SPOCK3: variants seen among roughly 807,000 people sequenced by gnomAD.
SPOCK3 encodes the protein testican-3.
In SPOCK3, 30 loss-of-function variants were observed where a neutral mutation model predicts 56.6. The observed-to-expected ratio is 0.53, with a 90% CI of 0.40 to 0.72. The LOEUF (loss-of-function observed/expected upper bound fraction) is 0.72. Ranked by LOEUF, SPOCK3 falls within the 30% of genes least tolerant of loss-of-function variation. SPOCK3 has a pLI of 0.00. For missense variants in SPOCK3, 527 were observed against 530.0 expected (o/e 0.99, Z 0.06); for synonymous variants, 196 against 183.3 (o/e 1.07, Z -0.56).
chr4:167,151,918 T>TA (rs1206803937), intron 2 of SPOCK3, among the ~76,000 whole-genome samples: 1 of 152,206 alleles, frequency 6.6e-6, no homozygotes, highest in Admixed American at 6.5e-5. Flanking sequence ...GCTAATGACT[T>TA]ACTGCATTTT....
chr4:167,056,196 T>C (rs545163998), intron 3 of SPOCK3, among the ~76,000 whole-genome samples: 9 of 152,216 alleles, frequency 5.9e-5, no homozygotes, highest in African/African-American at 2.2e-4. Context: ...GCAAACGGGG[T>C]CTGGAGTGGA....
intron 3 of SPOCK3, among the ~76,000 whole-genome samples, chr4:167,061,045 CTT>C (rs1441684461): frequency 6.6e-6 from 1 of 151,986 alleles, no homozygotes; most frequent in Non-Finnish European, 1.5e-5. Context: ...AAAAACCTCT[CTT>C]AATATTAAAG....
Position 167,068,470 on chromosome 4 carries a change from C to T in SPOCK3, c.190-5933G>A, listed in dbSNP as rs1429888644. ...GCCAGGAAAACATTCTAGTAATTGT[C>T]ATCAATCATTATGCTACAAATGAAT... is the stretch of plus-strand genomic sequence containing the variant. On this transcript the variant is annotated intron_variant, in intron 2 of 10. Transcript: ENST00000357545. Among the ~76,000 whole-genome samples the T allele has an allele frequency of 2.0e-5, 3 of 151,618 alleles. No individual in the cohort carries two copies. In the East Asian group the frequency reaches 5.8e-4, roughly 30 times the overall value.
intron 2 of SPOCK3, among the ~76,000 whole-genome samples, chr4:167,119,543 T>C (rs1761698484): frequency 6.6e-6 from 1 of 152,128 alleles, no homozygotes; most frequent in Admixed American, 6.6e-5. Flanking sequence ...CTTAACAAAA[T>C]ACTCATCTCC....
intron 3 of SPOCK3, among the ~76,000 whole-genome samples, chr4:167,047,434 T>C (rs1436894054): frequency 6.6e-6 from 1 of 152,202 alleles, no homozygotes; most frequent in Non-Finnish European, 1.5e-5. Flanking sequence ...TAAACTTTTG[T>C]TTCTTTTTGC....
chr4:166,904,091 T>G (rs534203258), intron 5 of SPOCK3, among the ~76,000 whole-genome samples: 5 of 151,934 alleles, frequency 3.3e-5, no homozygotes, highest in African/African-American at 1.2e-4. Flanking sequence ...GCAAAATCAT[T>G]TTATTATATT....
intron 4 of SPOCK3, among the ~76,000 whole-genome samples, chr4:166,939,252 T>G (rs546310606): frequency 6.6e-6 from 1 of 152,282 alleles, no homozygotes; most frequent in South Asian, 2.1e-4. Context: ...ACTTGGAGAA[T>G]GCAGTTAAGA....
chr4:166,901,808 C>T (rs1736080454), intron 5 of SPOCK3, among the ~76,000 whole-genome samples: 2 of 152,142 alleles, frequency 1.3e-5, no homozygotes, highest in African/African-American at 4.8e-5. Flanking sequence ...GTCGGAGACA[C>T]TGCTGAGATA....
At chr4:166,926,716 A>C in intron 4 of SPOCK3, among the ~76,000 whole-genome samples, 1 of 152,126 alleles carries the variant, frequency 6.6e-6, no homozygotes, top group East Asian at 1.9e-4. Flanking sequence ...AGAAACTAGT[A>C]ATAGGTATGT....
At chr4:167,227,755 C>A (rs952994905) in intron 2 of SPOCK3, among the ~76,000 whole-genome samples, 5 of 152,058 alleles carry the variant, frequency 3.3e-5, no homozygotes, top group African/African-American at 1.2e-4. Context: ...AAAATTATGA[C>A]CCAGATCATG....
intron 6 of SPOCK3, among the ~76,000 whole-genome samples, chr4:166,882,642 C>T (rs1262544471): frequency 6.6e-6 from 1 of 152,124 alleles, no homozygotes; most frequent in Non-Finnish European, 1.5e-5. Flanking sequence ...TAACATACAA[C>T]TACATAAGCT....
intron 6 of SPOCK3, among the ~76,000 whole-genome samples, chr4:166,800,091 A>G (rs1025518563): frequency 1.4e-5 from 2 of 147,952 alleles, no homozygotes; most frequent in South Asian, 4.5e-4. Context: ...CTGAGGCAGG[A>G]GAATGGCGTG....
chr4:166,993,116 T>C (rs543977314), intron 4 of SPOCK3, among the ~76,000 whole-genome samples: 1 of 152,208 alleles, frequency 6.6e-6, no homozygotes, highest in South Asian at 2.1e-4. Flanking sequence ...TTATACAGGC[T>C]TCAAAGCCAG....
At chr4:167,100,852 TAGAG>T (rs1297989631) in intron 2 of SPOCK3, among the ~76,000 whole-genome samples, 3 of 152,128 alleles carry the variant, frequency 2.0e-5, no homozygotes, top group African/African-American at 7.2e-5. Flanking sequence ...TTCTGTGAAA[TAGAG>T]AGTGTTATAC....
intron 2 of SPOCK3, among the ~76,000 whole-genome samples, chr4:167,139,078 CT>C (rs1763330884): frequency 6.6e-6 from 1 of 151,934 alleles, no homozygotes; most frequent in Non-Finnish European, 1.5e-5. Context: ...TACTAGGTTA[CT>C]TTTCTCTGTG....
At chr4:166,865,043 T>C (rs776058521) in intron 6 of SPOCK3, among the ~76,000 whole-genome samples, 2 of 152,104 alleles carry the variant, frequency 1.3e-5, no homozygotes, top group Admixed American at 6.6e-5. Flanking sequence ...AATAAAACAC[T>C]GGCAAGCCAA....
chr4:167,017,905 A>T (rs1469627243), intron 3 of SPOCK3, among the ~76,000 whole-genome samples: 1 of 152,092 alleles, frequency 6.6e-6, no homozygotes. Flanking sequence ...AATATTGATT[A>T]GATTGAATTA....
At chr4:166,956,372 C>A (rs895201761) in intron 4 of SPOCK3, among the ~76,000 whole-genome samples, 2 of 151,988 alleles carry the variant, frequency 1.3e-5, no homozygotes, top group African/African-American at 4.8e-5. Flanking sequence ...CACTTTGGGG[C>A]CACTATGAAG....
In SPOCK3 at chr4:166,889,239, T is replaced by C; in HGVS notation, c.480A>G (p.Lys160=). ...SDGHTYSFQC[K]LEYQACVLGK... is the part of the protein sequence containing the mutation. ...CTAAGACACATGCCTGATATTCTAGTTTGCACTGTATAAAAAGAGAAAAAA... is the reference window on the plus strand; with the variant it reads ...CTAAGACACATGCCTGATATTCTAGCTTGCACTGTATAAAAAGAGAAAAAA... Residue 160 remains lysine, a synonymous_variant, in exon 6 of 11, where the codon AAA becomes AAG. Coordinates refer to ENST00000357545, the MANE Select transcript of SPOCK3 (RefSeq NM_001040159.2). 6.3e-7 allele frequency: 1 copy of C among 1,595,278 alleles called. No homozygotes were observed. The highest frequency in any genetic ancestry group is 8.6e-7 in the Non-Finnish European group (1 of 1,164,196).
Sources: gnomAD v4.1 joint callset for allele counts (sites outside exome capture counted in the v4.1 genomes callset) on GRCh38, gnomAD v4.1.1 for gene constraint, MANE v1.5 for transcripts, NCBI Gene and HGNC (gene_info 2026-07-23, HGNC 2026-07-21) for gene names.